FREM2: variants seen among roughly 807,000 people sequenced by gnomAD.
FREM2 encodes FRAS1-related extracellular matrix protein 2.
FREM2 carries 119 observed loss-of-function variants against 219.9 expected under a neutral mutation model. That is an observed-to-expected ratio of 0.54 (90% CI 0.47 to 0.63). The LOEUF is 0.63. Among genes scored for constraint, FREM2 ranks in the 30% least tolerant of loss-of-function variants. The pLI, the probability that FREM2 is intolerant of heterozygous loss-of-function variation, is 0.00. For synonymous variants in FREM2, 1,562 were observed against 1,522.8 expected, an observed-to-expected ratio of 1.03 and a Z score of -0.60; for missense variants, 4,030 against 3,993.6, an observed-to-expected ratio of 1.01 and a Z score of -0.25.
chr13:38,814,792 G>A, intron 6 of FREM2, among the ~76,000 whole-genome samples: 1 of 152,160 alleles, frequency 6.6e-6, no homozygotes. Flanking sequence ...CAAAGTGCTT[G>A]CTGCTCTTCT....
At chr13:38,877,025 C>A in intron 20 of FREM2, 92 bp from the exon 21 acceptor site, 1 of 1,371,526 alleles carries the variant, frequency 7.3e-7, no homozygotes, top group Non-Finnish European at 1.0e-6. Context: ...TAGTGTTCTA[C>A]AGTGTACGGT....
chr13:38,749,289 C>G (rs1276064887), intron 2 of FREM2, among the ~76,000 whole-genome samples: 1 of 152,140 alleles, frequency 6.6e-6, no homozygotes, highest in Non-Finnish European at 1.5e-5. Flanking sequence ...ATTACTGGCT[C>G]AACTACTTTC....
chr13:38,806,602 C>G (rs1875238000), intron 6 of FREM2, among the ~76,000 whole-genome samples: 1 of 151,612 alleles, frequency 6.6e-6, no homozygotes, highest in Non-Finnish European at 1.5e-5. Flanking sequence ...TACTTTATTG[C>G]CAAAAAATGC....
intron 8 of FREM2, 95 bp downstream of exon 8, chr13:38,848,765 G>T: frequency 8.7e-7 from 1 of 1,151,252 alleles, no homozygotes. Flanking sequence ...ATATATATTT[G>T]TTTGTTTGCT....
At chr13:38,745,516 G>A (rs1872429675) in intron 2 of FREM2, among the ~76,000 whole-genome samples, 1 of 152,108 alleles carries the variant, frequency 6.6e-6, no homozygotes, top group Admixed American at 6.6e-5. Flanking sequence ...AAAAACATCA[G>A]GTTTATTTCA....
chr13:38,819,010 A>C (rs527508895), intron 6 of FREM2, among the ~76,000 whole-genome samples: 3 of 152,174 alleles, frequency 2.0e-5, no homozygotes, highest in African/African-American at 7.2e-5. Flanking sequence ...AAATATATCA[A>C]AACATCAAGT....
chr13:38,808,386 C>T (rs1432899874), intron 6 of FREM2, among the ~76,000 whole-genome samples: 2 of 151,970 alleles, frequency 1.3e-5, no homozygotes, highest in Non-Finnish European at 2.9e-5. Context: ...CCTTTCCATT[C>T]ACAACTTGGA....
chr13:38,828,816 T>A (rs908729314), intron 6 of FREM2, among the ~76,000 whole-genome samples: 2 of 152,154 alleles, frequency 1.3e-5, no homozygotes, highest in African/African-American at 4.8e-5. Context: ...AATGGTTATA[T>A]AGTATTCCAC....
At chr13:38,780,736 T>C (rs983232213) in intron 4 of FREM2, among the ~76,000 whole-genome samples, 2 of 152,210 alleles carry the variant, frequency 1.3e-5, no homozygotes, top group African/African-American at 2.4e-5. Flanking sequence ...GATCTGATGA[T>C]GGCTTTCCTA....
intron 2 of FREM2, among the ~76,000 whole-genome samples, chr13:38,725,346 G>A (rs1465388336): frequency 6.6e-6 from 1 of 151,682 alleles, no homozygotes. Flanking sequence ...TTAGGTGGTT[G>A]TCAGCCATGA....
chr13:38,779,045 T>G (rs770980078), intron 4 of FREM2, among the ~76,000 whole-genome samples: 2 of 152,214 alleles, frequency 1.3e-5, no homozygotes, highest in Non-Finnish European at 2.9e-5. Flanking sequence ...AAAACCTTAC[T>G]TCATAATAAT....
rs1435048212 is a variant in FREM2, at chr13:38,874,601, CT to C, written c.8281+19del. 6.3e-7 allele frequency: 1 copy of C among 1,592,442 alleles called. No homozygotes were observed. Among genetic ancestry groups the C allele is most frequent in the African/African-American group, 1.3e-5 (1 of 74,366 alleles). On this transcript the variant is annotated intron_variant, in intron 18 of 23. Coordinates refer to ENST00000280481, the MANE Select transcript of FREM2 (RefSeq NM_207361.6). The stretch of plus-strand genomic sequence containing the variant: ...GTCACATCCCGGTAAGCCCCGTTAT[CT>C]TTTAACAACCACTCCTCACACAAAA...
intron 6 of FREM2, among the ~76,000 whole-genome samples, chr13:38,831,251 G>T (rs185420791): frequency 6.8e-4 from 104 of 152,226 alleles, no homozygotes; most frequent in African/African-American, 2.4e-3. Flanking sequence ...GTGGAATAAA[G>T]AATACTCATG....
Position 38,846,576 on chromosome 13 carries a change from C to G in FREM2, c.6023C>G (p.Pro2008Arg), listed in dbSNP as rs1005695922. The G allele has an allele frequency of 4.3e-6, 7 of 1,613,124 alleles. No individual in the cohort carries two copies. The Admixed American group carries it at 8.3e-5, about 19-fold the overall frequency. ...ATTTCTGTTCCTTTCTTAACAGAAC[C>G]CATCTTTTACTTCGGTGATGTGGAA... ...VTIVPDKDDE[P>R]IFYFGDVEYS... Residue 2008 changes from proline to arginine, a missense_variant, in exon 7 of 24, where the codon CCC becomes CGC. Physicochemically the swap from Pro to Arg is moderately radical, Grantham distance 103. Coordinates refer to ENST00000280481, the MANE Select transcript of FREM2 (RefSeq NM_207361.6).
chr13:38,728,612 C>T (rs1280382493), intron 2 of FREM2, among the ~76,000 whole-genome samples: 4 of 151,776 alleles, frequency 2.6e-5, no homozygotes, highest in African/African-American at 4.8e-5. Context: ...GGTGTTTCAC[C>T]GTGTTGCATA....
At position 38,724,141 on chromosome 13, in the gene FREM2, T is replaced by C. The variant is rs181251529; in HGVS notation, c.5263+26354T>C. ...ACATTGTTACTCCTTCTATCCTATGTGTTTTCTTGCATCTAAAACTAGTTG... is the reference window on the plus strand; with the variant it reads ...ACATTGTTACTCCTTCTATCCTATGCGTTTTCTTGCATCTAAAACTAGTTG... On this transcript the variant is annotated intron_variant, in intron 2 of 23. Coordinates refer to ENST00000280481, the MANE Select transcript of FREM2 (RefSeq NM_207361.6). 1.2e-3 allele frequency among the ~76,000 whole-genome samples: 183 copies of C among 152,324 alleles called. 1 individual carries two copies. Among genetic ancestry groups the C allele is most frequent in the Non-Finnish European group, 3.1e-4 (21 of 68,024 alleles).
Position 38,697,638 on chromosome 13 carries a change from A to G in FREM2, c.5174-60A>G, listed in dbSNP as rs534296669. 2.5e-4 allele frequency: 244 copies of G among 978,296 alleles called. 2 individuals are homozygous for G. The highest frequency in any genetic ancestry group is 2.3e-3 in the South Asian group (176 of 77,000). 60.6% of individuals were successfully genotyped at this position (978,296 alleles called of 1,614,324 possible). ...AAACTAATAGCCAATAAAATTTACC[A>G]TAATGAATCATCAATTTTACTCTGG... is the stretch of plus-strand genomic sequence containing the variant. On this transcript the variant is annotated intron_variant, in intron 1 of 23. Coordinates refer to ENST00000280481, the MANE Select transcript of FREM2 (RefSeq NM_207361.6).
At chr13:38,806,193 T>A (rs1361483891) in intron 6 of FREM2, among the ~76,000 whole-genome samples, 1 of 151,890 alleles carries the variant, frequency 6.6e-6, no homozygotes, top group African/African-American at 2.4e-5. Context: ...GTGGGAGGAC[T>A]TGTGGCCCCA....
chr13:38,768,237 A>G (rs552679713), intron 3 of FREM2, among the ~76,000 whole-genome samples: 4 of 152,222 alleles, frequency 2.6e-5, no homozygotes, highest in Non-Finnish European at 4.4e-5. Flanking sequence ...TAAAAAATCT[A>G]TCACAAGACT....
Sources: gnomAD v4.1 joint callset for allele counts (sites outside exome capture counted in the v4.1 genomes callset) on GRCh38, gnomAD v4.1.1 for gene constraint, MANE v1.5 for transcripts, NCBI Gene and HGNC (gene_info 2026-07-23, HGNC 2026-07-21) for gene names.